Variants in CASZ1 observed in about 807,000 individuals in gnomAD.
CASZ1 encodes castor zinc finger 1, also known as zinc finger protein castor homolog 1.
A neutral mutation model predicts 135.2 loss-of-function variants in CASZ1; 28 were observed. That is an observed-to-expected ratio of 0.21 (90% CI 0.15 to 0.28). The LOEUF is 0.28. CASZ1 is among the 10% of genes least tolerant of loss of function. CASZ1 has a pLI of 1.00. For synonymous variants in CASZ1, 1,068 were observed against 1,073.4 expected, an observed-to-expected ratio of 0.99 and a Z score of 0.10; for missense variants, 2,161 against 2,453.3, an observed-to-expected ratio of 0.88 and a Z score of 2.52.
rs1274419890 is a variant in CASZ1, at chr1:10,759,376, T to C, written c.-77+1325A>G. ...CCCCACGGCCTTTTCCAGGTGACAG[T>C]CTAAACAGCCCCGGTGCTATCCAGG... is the stretch of plus-strand genomic sequence containing the variant. On this transcript the variant is annotated intron_variant, in intron 2 of 20. Coordinates refer to ENST00000377022, the MANE Select transcript of CASZ1 (RefSeq NM_001079843.3). The surrounding 1 kb of genome is among the most constrained non-coding windows in gnomAD (Gnocchi z 4.2). Among the ~76,000 whole-genome samples, 2 of 152,080 alleles carry C rather than the reference T, an allele frequency of 1.3e-5. No homozygotes were observed. The highest frequency in any genetic ancestry group is 2.9e-5 in the Non-Finnish European group (2 of 68,002).
intron 17 of CASZ1, 126 bp from the exon 18 acceptor site, chr1:10,645,214 T>C (rs1321175386): frequency 3.7e-6 from 3 of 800,722 alleles, no homozygotes; most frequent in East Asian, 2.6e-5. Flanking sequence ...CTGATGATCA[T>C]AGAAACACCT....
Position 10,655,809 on chromosome 1 carries a change from A to AC in CASZ1, c.1504_1505insG (p.Phe502CysfsTer4), listed in dbSNP as rs1642768890. On this transcript the variant is annotated frameshift_variant, in exon 9 of 21. Coordinates refer to ENST00000377022, the MANE Select transcript of CASZ1 (RefSeq NM_001079843.3). LOFTEE classifies it high-confidence loss of function. ...GCGGATCACGTCCTGCTTACTCGTG[A>AC]ACCTCTGCCAGGAGACAGCGCCACG... The AC allele has an allele frequency of 6.2e-7, 1 of 1,613,376 alleles. No homozygotes were observed. The highest frequency in any genetic ancestry group is 1.7e-5 in the Admixed American group (1 of 59,996).
chr1:10,779,992 C>T (rs1035996901), intron 1 of CASZ1, among the ~76,000 whole-genome samples: 1 of 152,166 alleles, frequency 6.6e-6, no homozygotes, highest in Non-Finnish European at 1.5e-5. Context: ...GCTCCACCAA[C>T]ACCCCGCCCA....
Position 10,647,546 on chromosome 1 carries a change from A to G in CASZ1, c.3497+255T>C. On this transcript the variant is annotated intron_variant, in intron 16 of 20. Coordinates refer to ENST00000377022, the MANE Select transcript of CASZ1 (RefSeq NM_001079843.3). This position sits in a 1 kb window ranked among gnomAD's most constrained non-coding sequence, Gnocchi z 4.9. The stretch of plus-strand genomic sequence containing the variant: ...CACCCCACCTGGCCCTGGCAGGATC[A>G]CCACATGCCCTGCAGGAGCAGTAGC... The G allele has an allele frequency of 9.4e-6, 13 of 1,379,584 alleles. No homozygotes were observed. The South Asian group carries it at 2.0e-4, about 21-fold the overall frequency. The allele number at this position is 1,379,584 out of a possible 1,614,324, so 85.5% of individuals were successfully genotyped here.
Position 10,665,523 on chromosome 1 carries a change from G to A in CASZ1, c.65C>T (p.Ala22Val), listed in dbSNP as rs760076051. 2.1e-5 allele frequency: 34 copies of A among 1,596,090 alleles called. No homozygotes were observed. In the South Asian group the frequency reaches 2.4e-4, roughly 11 times the overall value. Residue 22 changes from alanine (A) to valine (V), a missense_variant, in exon 5 of 21, where the codon GCG becomes GTG. Physicochemically the swap from Ala to Val is moderately conservative, Grantham distance 64. Coordinates refer to ENST00000377022, the MANE Select transcript of CASZ1 (RefSeq NM_001079843.3). ...TDPPAGKPAM[A>V]PKRKGGLKLN... ...CTTCAGGCCACCCTTGCGTTTGGGCGCCATGGCGGGCTTGCCTGCAGGCGG... is the reference window on the plus strand; with the variant it reads ...CTTCAGGCCACCCTTGCGTTTGGGCACCATGGCGGGCTTGCCTGCAGGCGG...
chr1:10,693,988 C>T (rs1345842593), intron 3 of CASZ1, 76 bp from the exon 4 acceptor site: 2 of 1,425,948 alleles, frequency 1.4e-6, no homozygotes, highest in Non-Finnish European at 2.0e-6. Flanking sequence ...CCCGGCCGCC[C>T]GCCCTGCTTG....
At position 10,724,790 on chromosome 1, in the gene CASZ1, G is replaced by A. The variant is rs1639566741; in HGVS notation, c.-76-19246C>T. On this transcript the variant is annotated intron_variant, in intron 2 of 20. Transcript: ENST00000377022. The surrounding 1 kb of genome is among the most constrained non-coding windows in gnomAD (Gnocchi z 4.1). ...GGCGGGGAAGAGGAGGCAGAGGAAG[G>A]CAGGTGGGGGGCTGGCTGGGAGCCT... Among the ~76,000 whole-genome samples the A allele has an allele frequency of 6.6e-6, 1 of 152,222 alleles. No homozygotes were observed. The highest frequency in any genetic ancestry group is 1.5e-5 in the Non-Finnish European group (1 of 68,020).
chr1:10,678,728 G>A (rs1248972714), intron 4 of CASZ1, among the ~76,000 whole-genome samples: 1 of 152,168 alleles, frequency 6.6e-6, no homozygotes, highest in African/African-American at 2.4e-5. Context: ...GAGCGGGAGG[G>A]GGGAGGGCAG....
At chr1:10,723,359 C>A (rs887990532) in intron 2 of CASZ1, among the ~76,000 whole-genome samples, 1 of 152,218 alleles carries the variant, frequency 6.6e-6, no homozygotes, top group Admixed American at 6.5e-5. Context: ...TCCTAGGGGG[C>A]TCTGGGGTGT....
At position 10,694,409 on chromosome 1, in the gene CASZ1, T is replaced by C; in HGVS notation, c.-23-497A>G. 1 of 732,874 alleles carries C rather than the reference T, an allele frequency of 1.4e-6. No individual in the cohort carries two copies. The highest frequency in any genetic ancestry group is 1.8e-6 in the Non-Finnish European group (1 of 553,734). 45.4% of individuals were successfully genotyped at this position (732,874 alleles called of 1,614,324 possible). ...CGAATAACAAGTTGTTTTAAAGCCC[T>C]GATGTCATTGCTCCTGCCGGTAACA... On this transcript the variant is annotated intron_variant, in intron 3 of 20. Coordinates refer to ENST00000377022, the MANE Select transcript of CASZ1 (RefSeq NM_001079843.3). The surrounding 1 kb of genome is among the most constrained non-coding windows in gnomAD (Gnocchi z 6.6).
rs747642321 is a variant in CASZ1, at chr1:10,699,461, AG to A, written c.-23-5550del. On this transcript the variant is annotated intron_variant, in intron 3 of 20. Transcript: ENST00000377022. This position sits in a 1 kb window ranked among gnomAD's most constrained non-coding sequence, Gnocchi z 4.6. ...ATCGGTGGGGGCATAAAGTGACCCA[AG>A]GTCTGAAAGCCAAGGTAGGTTGTTG... 1.3e-5 allele frequency among the ~76,000 whole-genome samples: 2 copies of A among 152,118 alleles called. No homozygotes were observed. Among genetic ancestry groups the A allele is most frequent in the Non-Finnish European group, 2.9e-5 (2 of 68,022 alleles).
At chr1:10,702,931 C>A (rs1453579436) in intron 3 of CASZ1, among the ~76,000 whole-genome samples, 1 of 149,862 alleles carries the variant, frequency 6.7e-6, no homozygotes, top group Non-Finnish European at 1.5e-5. Flanking sequence ...TAAAGCCTTC[C>A]GAGTAGATGA....
intron 1 of CASZ1, among the ~76,000 whole-genome samples, chr1:10,785,979 C>T (rs563634292): frequency 1.9e-4 from 29 of 152,214 alleles, no homozygotes; most frequent in Admixed American, 3.9e-4. Context: ...ATGAATCGTC[C>T]AAGTGGAGGA....
chr1:10,757,386 C>T lies in CASZ1; in HGVS notation c.-77+3315G>A, dbSNP rs1640278486. 6.6e-6 allele frequency among the ~76,000 whole-genome samples: 1 copy of T among 152,230 alleles called. No homozygotes were observed. Reference sequence around the variant, plus strand: ...CATACAGGCTCTGACCCCTTCCCCGCCTGTCCACCTCCTCCTCACCCAGCC... The same window carrying T: ...CATACAGGCTCTGACCCCTTCCCCGTCTGTCCACCTCCTCCTCACCCAGCC... On this transcript the variant is annotated intron_variant, in intron 2 of 20. Transcript: ENST00000377022. The surrounding 1 kb of genome is among the most constrained non-coding windows in gnomAD (Gnocchi z 4.6).
chr1:10,707,343 G>A lies in CASZ1; in HGVS notation c.-76-1799C>T, dbSNP rs375668266. Among the ~76,000 whole-genome samples, 8 of 152,158 alleles carry A rather than the reference G, an allele frequency of 5.3e-5. No individual in the cohort carries two copies. Among genetic ancestry groups the A allele is most frequent in the South Asian group, 2.1e-4 (1 of 4,830 alleles). ...GACCGGAATGATAACGACTTGCAGC[G>A]CGGTGTTGCCGTCCCCAACCACCCC... is the stretch of plus-strand genomic sequence containing the variant. On this transcript the variant is annotated intron_variant, in intron 2 of 20. Transcript: ENST00000377022. This position sits in a 1 kb window ranked among gnomAD's most constrained non-coding sequence, Gnocchi z 5.0.
In CASZ1 at chr1:10,694,630, C is replaced by T. The variant is rs1045328651; in HGVS notation, c.-23-718G>A. ...GCCGCCGCCGCCGCCGCCCGGTGCGCCCGCCCGCCGCCCGCCGCCCGGTGC... is the reference window on the plus strand; with the variant it reads ...GCCGCCGCCGCCGCCGCCCGGTGCGTCCGCCCGCCGCCCGCCGCCCGGTGC... On this transcript the variant is annotated intron_variant, in intron 3 of 20. Transcript: ENST00000377022. This position sits in a 1 kb window ranked among gnomAD's most constrained non-coding sequence, Gnocchi z 6.6. Among the ~76,000 whole-genome samples the T allele has an allele frequency of 4.2e-5, 6 of 143,322 alleles. No homozygotes were observed. The highest frequency in any genetic ancestry group is 1.5e-4 in the African/African-American group (6 of 40,000). The allele number at this position is 143,322 out of a possible 152,430, so 94.0% of individuals were successfully genotyped here. A position where few individuals can be genotyped will look rare whatever the true frequency, so the allele number is the denominator to read the frequency against.
Position 10,762,892 on chromosome 1 carries a change from C to T in CASZ1, c.-233-2035G>A, listed in dbSNP as rs956118109. ...CCAGCTATGGAAGGAAAGGGGGCTC[C>T]AGGCCCTGGTGGGACGCTCGTTGGG... On this transcript the variant is annotated intron_variant, in intron 1 of 20. Coordinates refer to ENST00000377022, the MANE Select transcript of CASZ1 (RefSeq NM_001079843.3). The surrounding 1 kb of genome is among the most constrained non-coding windows in gnomAD (Gnocchi z 4.1). Among the ~76,000 whole-genome samples, 1 of 152,232 alleles carries T rather than the reference C, an allele frequency of 6.6e-6. No homozygotes were observed. Among genetic ancestry groups the T allele is most frequent in the African/African-American group, 2.4e-5 (1 of 41,458 alleles).
At position 10,700,225 on chromosome 1, in the gene CASZ1, G is replaced by A. The variant is rs1463806804; in HGVS notation, c.-24+5267C>T. On this transcript the variant is annotated intron_variant, in intron 3 of 20. Coordinates refer to ENST00000377022, the MANE Select transcript of CASZ1 (RefSeq NM_001079843.3). This position sits in a 1 kb window ranked among gnomAD's most constrained non-coding sequence, Gnocchi z 4.2. ...TTCTGGAATGTTGGGTTGGCATTTTGTCTCAGTTACAATGATCAGCTGCAG... is the reference window on the plus strand; with the variant it reads ...TTCTGGAATGTTGGGTTGGCATTTTATCTCAGTTACAATGATCAGCTGCAG... Among the ~76,000 whole-genome samples, 4 of 152,164 alleles carry A rather than the reference G, an allele frequency of 2.6e-5. No homozygotes were observed. The highest frequency in any genetic ancestry group is 6.5e-5 in the Admixed American group (1 of 15,280).
chr1:10,751,366 C>T (rs532305448), intron 2 of CASZ1, among the ~76,000 whole-genome samples: 3 of 152,086 alleles, frequency 2.0e-5, no homozygotes, highest in East Asian at 3.9e-4. Context: ...GCAGAGAAGC[C>T]GACAGGGGCC....
Sources: gnomAD v4.1 joint callset for allele counts (sites outside exome capture counted in the v4.1 genomes callset) on GRCh38, gnomAD v4.1.1 for gene constraint, Gnocchi (gnomAD v3.1) non-coding constraint, MANE v1.5 for transcripts, NCBI Gene and HGNC (gene_info 2026-07-23, HGNC 2026-07-21) for gene names.